The following GSDMB variants were observed in gnomAD, a reference collection of about 807,000 sequenced individuals.
GSDMB encodes the protein gasdermin-B.
In GSDMB, 32 loss-of-function variants were observed where a neutral mutation model predicts 42.9. That is an observed-to-expected ratio of 0.75 (90% CI 0.56 to 1.00). GSDMB has a LOEUF of 1.00. Among genes scored for constraint, GSDMB ranks in the 50% least tolerant of loss-of-function variants. The pLI is 0.00. For synonymous variants in GSDMB, 175 were observed against 193.7 expected, an observed-to-expected ratio of 0.90 and a Z score of 0.80; for missense variants, 468 against 498.5, an observed-to-expected ratio of 0.94 and a Z score of 0.58.
In GSDMB at chr17:39,904,803, C is replaced by G. The variant is rs751117884; in HGVS notation, c.*9G>C. The G allele has an allele frequency of 3.7e-6, 6 of 1,613,016 alleles. No homozygotes were observed. Among genetic ancestry groups the G allele is most frequent in the Admixed American group, 1.7e-5 (1 of 59,946 alleles). ...CCCAGAGGCTTGTGGGGAGAAAGGGCTTTTGTAGTTAGGAAGAGACAGAGG... is the reference window on the plus strand; with the variant it reads ...CCCAGAGGCTTGTGGGGAGAAAGGGGTTTTGTAGTTAGGAAGAGACAGAGG... On this transcript the variant is annotated 3_prime_UTR_variant, in exon 11 of 11. Transcript: ENST00000418519.
chr17:39,905,779 T>C, intron 9 of GSDMB, 68 bp downstream of exon 9: 1 of 1,537,838 alleles, frequency 6.5e-7, no homozygotes, highest in East Asian at 2.2e-5. Context: ...CCTCCCAAGA[T>C]GTGACTCCCC....
chr17:39,913,755 G>C (rs896066238), intron 2 of GSDMB, among the ~76,000 whole-genome samples: 1 of 152,198 alleles, frequency 6.6e-6, no homozygotes, highest in Admixed American at 6.5e-5. Flanking sequence ...TGAGTCAGTT[G>C]CCACCCCAGG....
Position 39,917,274 on chromosome 17 carries a change from C to G in GSDMB, c.43G>C (p.Glu15Gln), listed in dbSNP as rs535962170. The change falls in exon 2 of 11, where the codon GAG becomes CAG. Residue 15 changes from glutamate to glutamine, a missense_variant. Coordinates refer to ENST00000418519, the MANE Select transcript of GSDMB (RefSeq NM_001165958.2). ...ATCATATCCCCTCCAGCATCCATCT[C>G]CTTAACTACAATTCTTGTGATTTCC... The part of the protein sequence containing the change: ...FEEITRIVVK[E>Q]MDAGGDMIAV... 37 of 1,613,644 alleles carry G rather than the reference C, an allele frequency of 2.3e-5. No individual in the cohort carries two copies. The highest frequency in any genetic ancestry group is 3.3e-4 in the Middle Eastern group (2 of 6,084).
At chr17:39,916,551 A>G (rs2063715416) in intron 2 of GSDMB, among the ~76,000 whole-genome samples, 1 of 151,812 alleles carries the variant, frequency 6.6e-6, no homozygotes, top group Non-Finnish European at 1.5e-5. Flanking sequence ...CGGCCTCCCA[A>G]AGTGCTGGGA....
chr17:39,911,519 C>A (rs1283608351), intron 3 of GSDMB, among the ~76,000 whole-genome samples: 2 of 152,042 alleles, frequency 1.3e-5, no homozygotes, highest in African/African-American at 4.8e-5. Context: ...ACCTGCCCAC[C>A]AGCTACCAGA....
At chr17:39,914,406 C>T (rs796823459) in intron 2 of GSDMB, among the ~76,000 whole-genome samples, 8 of 152,180 alleles carry the variant, frequency 5.3e-5, no homozygotes, top group East Asian at 3.9e-4. Context: ...GACATGACAA[C>T]GAAATGTAAT....
chr17:39,910,097 A>C (rs946165086), intron 3 of GSDMB, among the ~76,000 whole-genome samples, 173 bp from the exon 4 acceptor site: 3 of 152,086 alleles, frequency 2.0e-5, no homozygotes, highest in African/African-American at 4.8e-5. Flanking sequence ...GGGTGGAGGT[A>C]GGGGTGGGGT....
intron 7 of GSDMB, 51 bp downstream of exon 7, chr17:39,906,910 T>G (rs549872820): frequency 1.9e-6 from 3 of 1,613,132 alleles, no homozygotes; most frequent in South Asian, 2.2e-5. Flanking sequence ...CCACATGGAC[T>G]CAGGGTGGGT....
intron 2 of GSDMB, among the ~76,000 whole-genome samples, chr17:39,915,512 C>G (rs1178534039): frequency 1.3e-5 from 2 of 152,000 alleles, no homozygotes; most frequent in Non-Finnish European, 2.9e-5. Context: ...TTTGCCCTGT[C>G]CCTGGGGAGT....
intron 5 of GSDMB, 56 bp downstream of exon 5, chr17:39,908,902 C>A (rs531254125): frequency 3.2e-5 from 35 of 1,091,138 alleles, no homozygotes; most frequent in African/African-American, 1.9e-4. Flanking sequence ...TCCCACCCCC[C>A]ACCTCACTGG....
At position 39,905,933 on chromosome 17, in the gene GSDMB, G is replaced by C. The variant is rs199992780; in HGVS notation, c.941C>G (p.Pro314Arg). ...AGCATTAAAAAGGCTGCTTAGGAGA[G>C]GCTTGTCTGGGTCCTCCATGTGTAG... ...GELHMEDPDKPLLSSLFNAAG... is the reference protein window; with the variant it reads ...GELHMEDPDKRLLSSLFNAAG... Residue 314 changes from proline (P) to arginine (R), a missense_variant, in exon 9 of 11, where the codon CCT becomes CGT. Transcript: ENST00000418519. 6.2e-7 allele frequency: 1 copy of C among 1,613,886 alleles called. No homozygotes were observed.
intron 3 of GSDMB, among the ~76,000 whole-genome samples, chr17:39,911,501 T>C (rs1374492314): frequency 6.6e-6 from 1 of 152,034 alleles, no homozygotes; most frequent in African/African-American, 2.4e-5. Context: ...TCCTCTTGAA[T>C]TGGAAGCACC....
In GSDMB at chr17:39,915,463, T is replaced by C. The variant is rs114134730; in HGVS notation, c.235+1619A>G. On this transcript the variant is annotated intron_variant, in intron 2 of 10. Transcript: ENST00000418519. ...CAGATGAGCTTTTCCTTAAAGGAAG[T>C]TGACTGACTTAGTCAATTTTTTTTT... Among the ~76,000 whole-genome samples, 1,327 of 152,338 alleles carry C rather than the reference T, an allele frequency of 8.7e-3. 12 individuals carry two copies. Among genetic ancestry groups the C allele is most frequent in the African/African-American group, 0.03 (1,259 of 41,574 alleles).
chr17:39,915,264 G>T (rs896443666), intron 2 of GSDMB, among the ~76,000 whole-genome samples: 1 of 152,222 alleles, frequency 6.6e-6, no homozygotes, highest in African/African-American at 2.4e-5. Context: ...GAGCCACTGT[G>T]CCCAGCCCTA....
chr17:39,905,071 A>G, intron 10 of GSDMB, 107 bp from the exon 11 acceptor site: 1 of 907,424 alleles, frequency 1.1e-6, no homozygotes, highest in Non-Finnish European at 1.8e-6. Context: ...AGACGTAATA[A>G]TCCATCATGG....
At chr17:39,914,646 C>T (rs1325840531) in intron 2 of GSDMB, among the ~76,000 whole-genome samples, 1 of 151,106 alleles carries the variant, frequency 6.6e-6, no homozygotes, top group Non-Finnish European at 1.5e-5. Flanking sequence ...ACCTATAATC[C>T]CAGCTACTCG....
In GSDMB at chr17:39,904,718, T is replaced by A; in HGVS notation, c.*94A>T. On this transcript the variant is annotated 3_prime_UTR_variant, in exon 11 of 11. Transcript: ENST00000418519. Reference sequence around the variant, plus strand: ...TGGTTGGCTGCTTGTTTTAAAGAGGTCCCACTGGTGACAGGATGGTAGTGG... The same window carrying A: ...TGGTTGGCTGCTTGTTTTAAAGAGGACCCACTGGTGACAGGATGGTAGTGG... The A allele has an allele frequency of 9.9e-7, 1 of 1,008,732 alleles. No homozygotes were observed. The highest frequency in any genetic ancestry group is 2.4e-5 in the East Asian group (1 of 41,334). 62.5% of individuals were successfully genotyped at this position (1,008,732 alleles called of 1,614,324 possible). A position where few individuals can be genotyped will look rare whatever the true frequency, so the allele number is the denominator to read the frequency against.
intron 2 of GSDMB, 75 bp from the exon 3 acceptor site, chr17:39,912,572 C>T (rs2063632038): frequency 1.7e-6 from 2 of 1,173,938 alleles, no homozygotes; most frequent in Admixed American, 1.8e-5. Context: ...CTCCCTGGGG[C>T]AGCCCCATCC....
At chr17:39,909,520 A>T (rs2063567873) in intron 4 of GSDMB, 1 of 493,436 alleles carries the variant, frequency 2.0e-6, no homozygotes, top group African/African-American at 1.9e-5. Context: ...AACATGCAAG[A>T]CCTCATCTCT....
Sources: gnomAD v4.1 joint callset for allele counts (sites outside exome capture counted in the v4.1 genomes callset) on GRCh38, gnomAD v4.1.1 for gene constraint, MANE v1.5 for transcripts, NCBI Gene and HGNC (gene_info 2026-07-23, HGNC 2026-07-21) for gene names.